ZIM2: variants seen among roughly 807,000 people sequenced by gnomAD.
The protein encoded by ZIM2 is zinc finger protein 656.
In ZIM2, 14 loss-of-function variants were observed where a neutral mutation model predicts 38.6. The ratio of observed to expected loss-of-function variants is 0.36; its 90% CI spans 0.24 to 0.57. ZIM2 has a LOEUF of 0.57. Among genes scored for constraint, ZIM2 ranks in the 20% least tolerant of loss-of-function variants. ZIM2 has a pLI of 0.81. For synonymous variants in ZIM2, 247 were observed against 245.8 expected (o/e 1.00, Z -0.04); for missense variants, 680 against 695.1 (o/e 0.98, Z 0.24).
At chr19:56,827,744 C>A (rs1279011928) in intron 2 of ZIM2, among the ~76,000 whole-genome samples, 1 of 152,030 alleles carries the variant, frequency 6.6e-6, no homozygotes, top group East Asian at 1.9e-4. Context: ...TACTATGAAA[C>A]CCTTTAAAAT....
intron 12 of ZIM2, 28 bp downstream of exon 12, chr19:56,779,349 C>A: frequency 6.2e-7 from 1 of 1,610,710 alleles, no homozygotes; most frequent in Non-Finnish European, 8.5e-7. Context: ...CCCCCTCCTA[C>A]ACCCCGGGCT....
Position 56,823,682 on chromosome 19 carries a change from A to G in ZIM2, c.17-3T>C. ...GGTCACGTCACTGTTGTTGTCGTCT[A>G]AGAGGACACCGGTCGCCAAGTTACT... On this transcript the variant is annotated splice_region_variant and splice_polypyrimidine_tract_variant and intron_variant, in intron 4 of 12. Transcript: ENST00000629319. The G allele has an allele frequency of 6.2e-7, 1 of 1,614,158 alleles. No individual in the cohort carries two copies. The highest frequency in any genetic ancestry group is 2.2e-5 in the East Asian group (1 of 44,884).
At chr19:56,817,468 C>G (rs541678709) in intron 9 of ZIM2, 1 of 1,613,630 alleles carries the variant, frequency 6.2e-7, no homozygotes, top group South Asian at 1.1e-5. Flanking sequence ...CGATTTGGAA[C>G]TGCGTGACAC....
chr19:56,828,179 C>A (rs1021624904), intron 2 of ZIM2, among the ~76,000 whole-genome samples: 4 of 152,264 alleles, frequency 2.6e-5, no homozygotes, highest in East Asian at 1.9e-4. Flanking sequence ...CTCCCCGCAT[C>A]GCCTCCCTAT....
chr19:56,831,676 C>A lies in ZIM2; in HGVS notation c.-227+4342G>T, dbSNP rs113229853. On this transcript the variant is annotated intron_variant, in intron 2 of 12. Transcript: ENST00000629319. The stretch of plus-strand genomic sequence containing the variant: ...AAGTATTTAGCAAAATGTTACATAA[C>A]CATTAAGTCGTGTTGTCAAGGAATG... Among the ~76,000 whole-genome samples, 1,349 of 152,296 alleles carry A rather than the reference C, an allele frequency of 8.9e-3. 19 individuals carry two copies. The highest frequency in any genetic ancestry group is 0.03 in the African/African-American group (1,234 of 41,554).
intron 6 of ZIM2, chr19:56,822,523 A>T: frequency 2.1e-6 from 1 of 466,812 alleles, no homozygotes. Context: ...GCACCAGCTT[A>T]AGAATACTGA....
chr19:56,814,308 G>A lies in ZIM2; in HGVS notation c.490+3438C>T. ...TCCTCAGAACTACTTGTGGAACATG[G>A]ACATTGGCTTCAACTTCCTGGGCTG... On this transcript the variant is annotated intron_variant, in intron 9 of 12. Coordinates refer to ENST00000629319, the MANE Select transcript of ZIM2 (RefSeq NM_001387356.1). This position sits in a 1 kb window ranked among gnomAD's most constrained non-coding sequence, Gnocchi z 5.8. 6.2e-7 allele frequency: 1 copy of A among 1,614,076 alleles called. No homozygotes were observed. The highest frequency in any genetic ancestry group is 8.5e-7 in the Non-Finnish European group (1 of 1,180,036).
chr19:56,795,619 G>A (rs1302057360), intron 9 of ZIM2, among the ~76,000 whole-genome samples: 1 of 152,210 alleles, frequency 6.6e-6, no homozygotes, highest in Non-Finnish European at 1.5e-5. Context: ...GAGACACGAG[G>A]ATAGGGTTGG....
At chr19:56,820,718 G>A (rs888770889) in intron 7 of ZIM2, among the ~76,000 whole-genome samples, 1 of 152,172 alleles carries the variant, frequency 6.6e-6, no homozygotes, top group Non-Finnish European at 1.5e-5. Context: ...TTTCCTTGAG[G>A]ACACTGAGAA....
chr19:56,830,966 ATAAAT>A (rs59474144), intron 2 of ZIM2, among the ~76,000 whole-genome samples: 1,976 of 152,206 alleles, frequency 0.013, 48 homozygotes, highest in African/African-American at 0.045. Context: ...ATAAAATAAA[ATAAAT>A]GACAGAAGGG....
Position 56,817,822 on chromosome 19 carries a change from T to C in ZIM2, c.414A>G (p.Glu138=), listed in dbSNP as rs996556413. The C allele has an allele frequency of 3.1e-6, 5 of 1,614,030 alleles. No homozygotes were observed. Among genetic ancestry groups the C allele is most frequent in the Non-Finnish European group, 4.2e-6 (5 of 1,179,976 alleles). ...KLLSLGVQLA[E]DDGHSHMTQG... The stretch of plus-strand genomic sequence containing the variant: ...GCGTCATGTGGGAGTGGCCATCGTC[T>C]TCAGCAAGCTGCACTCCTGGTCACA... The change falls in exon 9 of 13, where the codon GAA becomes GAG. Residue 138 remains glutamate, a synonymous_variant. Transcript: ENST00000629319.
At position 56,775,269 on chromosome 19, in the gene ZIM2, G is replaced by C; in HGVS notation, c.1096C>G (p.Arg366Gly). 1.9e-6 allele frequency: 3 copies of C among 1,614,138 alleles called. No individual in the cohort carries two copies. Among genetic ancestry groups the C allele is most frequent in the Non-Finnish European group, 1.7e-6 (2 of 1,180,022 alleles). ...NKHNRCEFCK[R>G]TFSTQVALRR... ...AGGGCTACTTGCGTACTAAAGGTTC[G>C]TTTGCAAAATTCACATCTGTTGTGT... Residue 366 changes from arginine (R) to glycine (G), a missense_variant, in exon 13 of 13, where the codon CGA becomes GGA. Coordinates refer to ENST00000629319, the MANE Select transcript of ZIM2 (RefSeq NM_001387356.1).
chr19:56,789,313 C>T (rs888787036), intron 10 of ZIM2, among the ~76,000 whole-genome samples: 11 of 152,110 alleles, frequency 7.2e-5, no homozygotes, highest in African/African-American at 9.7e-5. Flanking sequence ...TTGCTAAATC[C>T]GGCCAGCCGA....
At chr19:56,801,440 C>T (rs2047521934) in intron 9 of ZIM2, among the ~76,000 whole-genome samples, 1 of 152,076 alleles carries the variant, frequency 6.6e-6, no homozygotes, top group Non-Finnish European at 1.5e-5. Context: ...TCTATGATGC[C>T]CCTTCCAGCA....
chr19:56,836,188 C>A, intron 1 of ZIM2, 84 bp from the exon 2 acceptor site: 1 of 397,214 alleles, frequency 2.5e-6, no homozygotes. Context: ...CACAACAGTT[C>A]CACATTTATC....
intron 9 of ZIM2, chr19:56,813,658 ACCTTTACC>A (rs762814539): frequency 6.2e-7 from 1 of 1,600,230 alleles, no homozygotes; most frequent in African/African-American, 1.3e-5. Context: ...AGGTTTTCTA[ACCTTTACC>A]CCATGCCCTC....
chr19:56,826,479 A>G lies in ZIM2; in HGVS notation c.-226-16T>C, dbSNP rs1353943507. On this transcript the variant is annotated splice_polypyrimidine_tract_variant and intron_variant, in intron 2 of 12. Transcript: ENST00000629319. ...ACACAGGTATCTGCAGAAGTTTTAA[A>G]GGAAGAAATACACAGACTAAGAATA... 2.6e-5 allele frequency: 4 copies of G among 152,254 alleles called. No homozygotes were observed. The allele number at this position is 152,254 out of a possible 1,614,324, so 9.4% of individuals were successfully genotyped here.
chr19:56,813,935 G>T (rs371889771), intron 9 of ZIM2: 8 of 1,614,030 alleles, frequency 5.0e-6, no homozygotes, highest in Non-Finnish European at 5.9e-6. Context: ...TCATAGTATG[G>T]TTCTTCTACC....
intron 9 of ZIM2, chr19:56,811,667 C>T (rs1439146590): frequency 4.1e-6 from 4 of 985,302 alleles, no homozygotes; most frequent in African/African-American, 3.5e-5. Flanking sequence ...CACTGATTCT[C>T]GTTTCAAGAG....
Sources: gnomAD v4.1 joint callset for allele counts (sites outside exome capture counted in the v4.1 genomes callset) on GRCh38, gnomAD v4.1.1 for gene constraint, Gnocchi (gnomAD v3.1) non-coding constraint, MANE v1.5 for transcripts, NCBI Gene and HGNC (gene_info 2026-07-23, HGNC 2026-07-21) for gene names.